Variants in PRDM13 observed in about 807,000 individuals in gnomAD.
PRDM13 encodes PR domain zinc finger protein 13.
In PRDM13, 15 loss-of-function variants were observed where a neutral mutation model predicts 36.4. That is an observed-to-expected ratio of 0.41 (90% CI 0.28 to 0.64). The LOEUF (loss-of-function observed/expected upper bound fraction) is 0.64. PRDM13 is among the 30% of genes least tolerant of loss of function. The pLI is 0.29. For missense variants in PRDM13, 1,044 were observed against 1,013.5 expected, an observed-to-expected ratio of 1.03 and a Z score of -0.41; for synonymous variants, 531 against 467.7, an observed-to-expected ratio of 1.14 and a Z score of -1.75.
At position 99,614,763 on chromosome 6, in the gene PRDM13, G is replaced by A. The variant is rs772272991; in HGVS notation, c.*4G>A. 5.8e-6 allele frequency: 9 copies of A among 1,560,362 alleles called. No individual in the cohort carries two copies. In the South Asian group the frequency reaches 9.7e-5, roughly 17 times the overall value. On this transcript the variant is annotated 3_prime_UTR_variant, in exon 4 of 4. Coordinates refer to ENST00000369215, the MANE Select transcript of PRDM13 (RefSeq NM_021620.4). ...CGGCGGGGAGCGCGACTTGTAACGAGTCTTCCCGGGAAGGGGCGGGGTGAG... is the reference window on the plus strand; with the variant it reads ...CGGCGGGGAGCGCGACTTGTAACGAATCTTCCCGGGAAGGGGCGGGGTGAG...
In PRDM13 at chr6:99,613,733, C is replaced by T; in HGVS notation, c.1098C>T (p.Cys366=). Residue 366 remains cysteine, a synonymous_variant, in exon 4 of 4, where the codon TGC becomes TGT. Coordinates refer to ENST00000369215, the MANE Select transcript of PRDM13 (RefSeq NM_021620.4). This position sits in a 1 kb window ranked among gnomAD's most constrained non-coding sequence, Gnocchi z 6.1. Reference sequence around the variant, plus strand: ...CGCACCACCACCACCATCCCAAGTGCCTGCTCGCTGGGGACCCGCCGCCGC... The same window carrying T: ...CGCACCACCACCACCATCCCAAGTGTCTGCTCGCTGGGGACCCGCCGCCGC... ...HHAHHHHHPK[C]LLAGDPPPPP... 6.7e-7 allele frequency: 1 copy of T among 1,485,500 alleles called. No individual in the cohort carries two copies. The highest frequency in any genetic ancestry group is 8.9e-7 in the Non-Finnish European group (1 of 1,125,354). 92.0% of individuals were successfully genotyped at this position (1,485,500 alleles called of 1,614,324 possible). A position where few individuals can be genotyped will look rare whatever the true frequency, so the allele number is the denominator to read the frequency against.
At chr6:99,609,351 T>A (rs891109849) in intron 3 of PRDM13, 44 bp downstream of exon 3, 1 of 1,601,812 alleles carries the variant, frequency 6.2e-7, no homozygotes, top group Non-Finnish European at 8.6e-7. Context: ...CCAGCCCTCC[T>A]CCTCCTGTCT....
chr6:99,609,389 T>C lies in PRDM13; in HGVS notation c.397+82T>C, dbSNP rs552943464. ...AAGCGAGTCCCTAGACATAGCTCGA[T>C]CTATGTAAAATGGAATTCACATTCC... On this transcript the variant is annotated intron_variant, in intron 3 of 3. Coordinates refer to ENST00000369215, the MANE Select transcript of PRDM13 (RefSeq NM_021620.4). 5.9e-6 allele frequency: 9 copies of C among 1,520,744 alleles called. No individual in the cohort carries two copies. The South Asian group carries it at 1.1e-4, about 18-fold the overall frequency. The allele number at this position is 1,520,744 out of a possible 1,614,324, so 94.2% of individuals were successfully genotyped here. A position where few individuals can be genotyped will look rare whatever the true frequency, so the allele number is the denominator to read the frequency against.
chr6:99,614,781 G>T lies in PRDM13; in HGVS notation c.*22G>T. The T allele has an allele frequency of 6.4e-7, 1 of 1,551,778 alleles. No individual in the cohort carries two copies. The highest frequency in any genetic ancestry group is 8.7e-7 in the Non-Finnish European group (1 of 1,151,096). On this transcript the variant is annotated 3_prime_UTR_variant, in exon 4 of 4. Coordinates refer to ENST00000369215, the MANE Select transcript of PRDM13 (RefSeq NM_021620.4). Reference sequence around the variant, plus strand: ...GTAACGAGTCTTCCCGGGAAGGGGCGGGGTGAGGACAGAGAGGAGTCGAGG... The same window carrying T: ...GTAACGAGTCTTCCCGGGAAGGGGCTGGGTGAGGACAGAGAGGAGTCGAGG...
In PRDM13 at chr6:99,606,922, G is replaced by A. The variant is rs1014963733; in HGVS notation, c.-113G>A. The A allele has an allele frequency of 1.5e-6, 2 of 1,356,816 alleles. No homozygotes were observed. The highest frequency in any genetic ancestry group is 2.9e-5 in the Admixed American group (1 of 33,978). 84.0% of individuals were successfully genotyped at this position (1,356,816 alleles called of 1,614,324 possible). A position where few individuals can be genotyped will look rare whatever the true frequency, so the allele number is the denominator to read the frequency against. On this transcript the variant is annotated 5_prime_UTR_variant, in exon 1 of 4. Transcript: ENST00000369215. ...GCCCGCCCGCGTCACTCCGCGGGCG[G>A]AGGACGCACGTCGGGGCGCGGCTCT... is the stretch of plus-strand genomic sequence containing the variant.
At chr6:99,610,225 T>C (rs1231082340) in intron 3 of PRDM13, among the ~76,000 whole-genome samples, 1 of 152,216 alleles carries the variant, frequency 6.6e-6, no homozygotes, top group African/African-American at 2.4e-5. Flanking sequence ...TTATGCAAAT[T>C]AAGGTGCAGT....
rs1769952278 is a variant in PRDM13 at position 99,606,889 on chromosome 6, C to T, written c.-146C>T. The T allele has an allele frequency of 1.8e-6, 2 of 1,089,132 alleles. No individual in the cohort carries two copies. Among genetic ancestry groups the T allele is most frequent in the Non-Finnish European group, 2.5e-6 (2 of 795,854 alleles). The allele number at this position is 1,089,132 out of a possible 1,614,324, so 67.5% of individuals were successfully genotyped here. A position where few individuals can be genotyped will look rare whatever the true frequency, so the allele number is the denominator to read the frequency against. ...GGCTCCCGCCCCGATTGAAAAGGCGCAGTGCATGCCCGCCCGCGTCACTCC... is the reference window on the plus strand; with the variant it reads ...GGCTCCCGCCCCGATTGAAAAGGCGTAGTGCATGCCCGCCCGCGTCACTCC... On this transcript the variant is annotated 5_prime_UTR_variant, in exon 1 of 4. Transcript: ENST00000369215.
Position 99,613,002 on chromosome 6 carries a change from C to T in PRDM13, c.398-31C>T, listed in dbSNP as rs1337672426. The stretch of plus-strand genomic sequence containing the variant: ...TTATGTCTCGCTTGTTCGCCTCTCA[C>T]CGGGTCGCTTTTCCATTCTTTCTTG... On this transcript the variant is annotated intron_variant, in intron 3 of 3. Transcript: ENST00000369215. This position sits in a 1 kb window ranked among gnomAD's most constrained non-coding sequence, Gnocchi z 6.1. 2 of 1,611,072 alleles carry T rather than the reference C, an allele frequency of 1.2e-6. No individual in the cohort carries two copies. Among genetic ancestry groups the T allele is most frequent in the Admixed American group, 1.7e-5 (1 of 59,616 alleles).
In PRDM13 at chr6:99,613,872, G is replaced by A; in HGVS notation, c.1237G>A (p.Ala413Thr). 1 of 1,515,872 alleles carries A rather than the reference G, an allele frequency of 6.6e-7. No homozygotes were observed. 93.9% of individuals were successfully genotyped at this position (1,515,872 alleles called of 1,614,324 possible). A position where few individuals can be genotyped will look rare whatever the true frequency, so the allele number is the denominator to read the frequency against. ...CGTGGAGCGCGCCCCGCCCGCAGCC[G>A]CCGCGCTGCCAGGAGCGCGTTATGC... ...KHVERAPPAA[A>T]ALPGARYAQL... The change falls in exon 4 of 4, where the codon GCC becomes ACC. Residue 413 changes from alanine to threonine, a missense_variant. Transcript: ENST00000369215. This position sits in a 1 kb window ranked among gnomAD's most constrained non-coding sequence, Gnocchi z 6.1.
In PRDM13 at chr6:99,614,948, AG is replaced by A. The variant is rs1770109794; in HGVS notation, c.*191del. 8.4e-6 allele frequency: 7 copies of A among 831,968 alleles called. No individual in the cohort carries two copies. The South Asian group carries it at 1.3e-4, about 16-fold the overall frequency. The allele number at this position is 831,968 out of a possible 1,614,324, so 51.5% of individuals were successfully genotyped here. ...GCTGAAACTCAGAGCAACAGTTCAG[AG>A]GTGGCGTAAATCTGGCCACCTGGAG... On this transcript the variant is annotated 3_prime_UTR_variant, in exon 4 of 4. Transcript: ENST00000369215.
rs749900383 is a variant in PRDM13 at position 99,613,547 on chromosome 6, G to A, written c.912G>A (p.Ala304=). Reference sequence around the variant, plus strand: ...AGCCCGCCGGCCTAGCGAGGGCGGCGGCGGCCGCTCACGGCGACCCCTACC... The same window carrying A: ...AGCCCGCCGGCCTAGCGAGGGCGGCAGCGGCCGCTCACGGCGACCCCTACC... ...AFKPAGLARA[A]AAAHGDPYRE... Residue 304 remains alanine (A), a synonymous_variant, in exon 4 of 4, where the codon GCG becomes GCA. Coordinates refer to ENST00000369215, the MANE Select transcript of PRDM13 (RefSeq NM_021620.4). This position sits in a 1 kb window ranked among gnomAD's most constrained non-coding sequence, Gnocchi z 6.1. 11 of 1,498,524 alleles carry A rather than the reference G, an allele frequency of 7.3e-6. No individual in the cohort carries two copies. Among genetic ancestry groups the A allele is most frequent in the Non-Finnish European group, 9.7e-6 (11 of 1,134,524 alleles). The allele number at this position is 1,498,524 out of a possible 1,614,324, so 92.8% of individuals were successfully genotyped here. A position where few individuals can be genotyped will look rare whatever the true frequency, so the allele number is the denominator to read the frequency against.
chr6:99,614,664 G>A lies in PRDM13; in HGVS notation c.2029G>A (p.Gly677Arg). The change falls in exon 4 of 4, where the codon GGG becomes AGG. Residue 677 changes from glycine to arginine, a missense_variant. Transcript: ENST00000369215. ...GAEPGYPPEP[G>R]DPKSDDSDVD... ...CGAGCCCGGCTATCCCCCGGAGCCT[G>A]GGGATCCCAAGAGCGACGACAGTGA... 1 of 1,612,196 alleles carries A rather than the reference G, an allele frequency of 6.2e-7. No homozygotes were observed. The highest frequency in any genetic ancestry group is 1.1e-5 in the South Asian group (1 of 91,010).
chr6:99,609,243 T>A lies in PRDM13; in HGVS notation c.333T>A (p.Tyr111Ter). 6.2e-7 allele frequency: 1 copy of A among 1,613,712 alleles called. No individual in the cohort carries two copies. The highest frequency in any genetic ancestry group is 1.1e-5 in the South Asian group (1 of 91,066). Residue 111 changes from tyrosine to a stop codon, truncating the protein, a stop_gained, in exon 3 of 4, where the codon TAT becomes TAA. Coordinates refer to ENST00000369215, the MANE Select transcript of PRDM13 (RefSeq NM_021620.4). LOFTEE classifies it high-confidence loss of function. ...VQPGEELTVW[Y>*]SNSLAQWFDI... is the part of the protein sequence containing the mutation. ...CAGGGGAGGAGCTGACAGTGTGGTA[T>A]TCTAACTCCTTGGCTCAGTGGTTCG...
chr6:99,614,015 G>A lies in PRDM13; in HGVS notation c.1380G>A (p.Pro460=), dbSNP rs1770086172. Residue 460 remains proline (P), a synonymous_variant, in exon 4 of 4, where the codon CCG becomes CCA. Transcript: ENST00000369215. The part of the protein sequence containing the change: ...GECSHLPAVM[P]AFTVYNGELL... ...GCAGCCACCTGCCCGCCGTCATGCC[G>A]GCCTTTACAGTCTACAACGGGGAGC... is the stretch of plus-strand genomic sequence containing the variant. The A allele has an allele frequency of 6.2e-7, 1 of 1,610,154 alleles. No homozygotes were observed. The highest frequency in any genetic ancestry group is 2.2e-5 in the East Asian group (1 of 44,590).
Position 99,615,072 on chromosome 6 carries a change from A to C in PRDM13, c.*313A>C. On this transcript the variant is annotated 3_prime_UTR_variant, in exon 4 of 4. Coordinates refer to ENST00000369215, the MANE Select transcript of PRDM13 (RefSeq NM_021620.4). ...AGGCGGTCTGCTCTTGGTGTTCAGA[A>C]TCACATCAATGCGAACGTCACAGCG... 1 of 402,972 alleles carries C rather than the reference A, an allele frequency of 2.5e-6. No homozygotes were observed. Among genetic ancestry groups the C allele is most frequent in the Non-Finnish European group, 4.4e-6 (1 of 226,332 alleles). The allele number at this position is 402,972 out of a possible 1,614,324, so 25.0% of individuals were successfully genotyped here. A position where few individuals can be genotyped will look rare whatever the true frequency, so the allele number is the denominator to read the frequency against.
rs1769953933 is a variant in PRDM13, at chr6:99,606,969, C to T, written c.-66C>T. 1 of 1,506,454 alleles carries T rather than the reference C, an allele frequency of 6.6e-7. No individual in the cohort carries two copies. The highest frequency in any genetic ancestry group is 1.4e-5 in the African/African-American group (1 of 71,448). 93.3% of individuals were successfully genotyped at this position (1,506,454 alleles called of 1,614,324 possible). On this transcript the variant is annotated 5_prime_UTR_variant, in exon 1 of 4. Coordinates refer to ENST00000369215, the MANE Select transcript of PRDM13 (RefSeq NM_021620.4). ...CTCTCTGGCTAGCGCGCAGCTCCAGCTCTGTCACTCGCGCCCTTCCAAGGA... is the reference window on the plus strand; with the variant it reads ...CTCTCTGGCTAGCGCGCAGCTCCAGTTCTGTCACTCGCGCCCTTCCAAGGA...
chr6:99,607,093 C>T lies in PRDM13; in HGVS notation c.59C>T (p.Ala20Val), dbSNP rs756440201. The T allele has an allele frequency of 1.5e-5, 25 of 1,613,606 alleles. No individual in the cohort carries two copies. Among genetic ancestry groups the T allele is most frequent in the Non-Finnish European group, 1.9e-5 (23 of 1,179,960 alleles). Residue 20 changes from alanine to valine, a missense_variant, in exon 1 of 4, where the codon GCC (alanine) becomes GTC (valine). Coordinates refer to ENST00000369215, the MANE Select transcript of PRDM13 (RefSeq NM_021620.4). ...TSVSADCCIP[A>V]GLRLGPVPGT... The stretch of plus-strand genomic sequence containing the variant: ...GTGAGTGCCGACTGCTGCATCCCGG[C>T]CGGCTTGCGCCTCGGACCGGTGCCT...
chr6:99,612,980 T>C (rs1770053358), intron 3 of PRDM13, 53 bp from the exon 4 acceptor site: 1 of 1,600,212 alleles, frequency 6.2e-7, no homozygotes, highest in African/African-American at 1.3e-5. Context: ...GCTTTCTTTA[T>C]GTCTCGCTTG....
intron 2 of PRDM13, 107 bp from the exon 3 acceptor site, chr6:99,609,080 C>T: frequency 6.9e-7 from 1 of 1,449,630 alleles, no homozygotes; most frequent in South Asian, 1.4e-5. Flanking sequence ...AGTAGCTTCT[C>T]CAGGGTCACA....
Sources: allele counts gnomAD v4.1 joint callset (sites outside exome capture counted in the v4.1 genomes callset), GRCh38; gene constraint gnomAD v4.1.1; non-coding constraint Gnocchi (gnomAD v3.1); transcripts MANE v1.5; gene names NCBI Gene and HGNC (gene_info 2026-07-23, HGNC 2026-07-21).